Variants in ASTN2 observed in about 807,000 individuals in gnomAD.
The protein encoded by ASTN2 is astrotactin 2.
Under a neutral mutation model 139.8 loss-of-function variants are expected in ASTN2, and 54 were observed. The ratio of observed to expected loss-of-function variants is 0.39; its 90% CI spans 0.31 to 0.48. ASTN2 has a LOEUF of 0.48. Among genes scored for constraint, ASTN2 ranks in the 20% least tolerant of loss-of-function variants. The pLI is 0.95. For missense variants in ASTN2, 1,565 were observed against 1,725.1 expected, an observed-to-expected ratio of 0.91 and a Z score of 1.64; for synonymous variants, 756 against 719.5, an observed-to-expected ratio of 1.05 and a Z score of -0.81.
At chr9:116,823,809 G>T (rs1831552433) in intron 11 of ASTN2, among the ~76,000 whole-genome samples, 1 of 152,208 alleles carries the variant, frequency 6.6e-6, no homozygotes, top group Non-Finnish European at 1.5e-5. Context: ...CTAAGTACAT[G>T]AAGTGGGTTT....
At chr9:117,391,914 A>G (rs1466112722) in intron 1 of ASTN2, among the ~76,000 whole-genome samples, 5 of 152,208 alleles carry the variant, frequency 3.3e-5, no homozygotes, top group Admixed American at 3.3e-4. Flanking sequence ...GGCCCCATGC[A>G]AGTCTGAAAT....
intron 2 of ASTN2, among the ~76,000 whole-genome samples, chr9:117,267,657 CCT>C (rs755185527): frequency 6.6e-6 from 1 of 152,136 alleles, no homozygotes; most frequent in Non-Finnish European, 1.5e-5. Context: ...CAAAAAAATT[CCT>C]CCTCCCAATG....
chr9:117,094,254 C>T (rs1166546305), intron 5 of ASTN2, among the ~76,000 whole-genome samples: 1 of 145,694 alleles, frequency 6.9e-6, no homozygotes, highest in South Asian at 2.1e-4. Flanking sequence ...GAGAGGGAGA[C>T]AGGGAGGAAA....
intron 16 of ASTN2, among the ~76,000 whole-genome samples, chr9:116,689,467 A>C (rs1860453774): frequency 6.6e-6 from 1 of 152,164 alleles, no homozygotes; most frequent in Non-Finnish European, 1.5e-5. Context: ...AGTCCTTCTA[A>C]GTAGGCTCTA....
chr9:117,095,820 T>A (rs1828826302), intron 5 of ASTN2, among the ~76,000 whole-genome samples: 1 of 152,176 alleles, frequency 6.6e-6, no homozygotes, highest in African/African-American at 2.4e-5. Flanking sequence ...TTCACAGTAT[T>A]TTTTGAAGAA....
chr9:117,209,290 T>C (rs541617737), intron 3 of ASTN2, among the ~76,000 whole-genome samples: 6 of 152,182 alleles, frequency 3.9e-5, no homozygotes, highest in African/African-American at 1.4e-4. Flanking sequence ...GACAAAACTA[T>C]ATACTGCCTA....
At chr9:116,913,142 G>T (rs1834360648) in intron 10 of ASTN2, among the ~76,000 whole-genome samples, 1 of 152,112 alleles carries the variant, frequency 6.6e-6, no homozygotes, top group South Asian at 2.1e-4. Context: ...GACCTCAAGT[G>T]ATCCACCCAC....
At chr9:116,567,167 C>T (rs10121095) in intron 19 of ASTN2, among the ~76,000 whole-genome samples, 25,162 of 152,140 alleles carry the variant, frequency 0.17, 2,311 homozygotes, top group African/African-American at 0.23. Context: ...GGAAAAGTGC[C>T]GATTCATAGC....
chr9:116,450,222 T>C (rs1048409085), intron 20 of ASTN2, among the ~76,000 whole-genome samples: 1 of 152,218 alleles, frequency 6.6e-6, no homozygotes, highest in Non-Finnish European at 1.5e-5. Context: ...GCATTTTCTA[T>C]GGCTGCTTTC....
At chr9:116,586,837 C>CACACATACAT (rs1554717135) in intron 19 of ASTN2, among the ~76,000 whole-genome samples, 2 of 149,234 alleles carry the variant, frequency 1.3e-5, no homozygotes, top group South Asian at 2.2e-4. Flanking sequence ...TACATACACA[C>CACACATACAT]ACACACACAC....
intron 3 of ASTN2, among the ~76,000 whole-genome samples, chr9:117,163,532 A>G (rs775828356): frequency 1.4e-4 from 21 of 152,110 alleles, no homozygotes; most frequent in South Asian, 4.1e-4. Context: ...TGTAATACTT[A>G]CTATTTTATT....
At chr9:116,936,090 C>CAATTAT (rs1289369874) in intron 10 of ASTN2, among the ~76,000 whole-genome samples, 1 of 124,806 alleles carries the variant, frequency 8.0e-6, no homozygotes, top group Non-Finnish European at 1.7e-5. Context: ...ACCACTACCA[C>CAATTAT]CACCACACCA....
intron 10 of ASTN2, among the ~76,000 whole-genome samples, chr9:116,936,942 A>T (rs888248020): frequency 1.3e-5 from 2 of 152,208 alleles, no homozygotes; most frequent in African/African-American, 4.8e-5. Context: ...GATGGGAAAC[A>T]TAGGACTCTA....
intron 5 of ASTN2, among the ~76,000 whole-genome samples, chr9:117,065,072 C>T (rs1827894113): frequency 6.6e-6 from 1 of 152,056 alleles, no homozygotes; most frequent in Non-Finnish European, 1.5e-5. Flanking sequence ...AAGAGAAAAA[C>T]AGAGGAGGAT....
At chr9:117,188,053 T>C (rs1831247920) in intron 3 of ASTN2, among the ~76,000 whole-genome samples, 1 of 151,906 alleles carries the variant, frequency 6.6e-6, no homozygotes, top group African/African-American at 2.4e-5. Flanking sequence ...CTGTGCATTG[T>C]AGAATGTTAA....
At chr9:116,868,054 G>A (rs1005333105) in intron 10 of ASTN2, among the ~76,000 whole-genome samples, 3 of 152,148 alleles carry the variant, frequency 2.0e-5, no homozygotes, top group African/African-American at 4.8e-5. Context: ...AGCACTGGGG[G>A]CGGAGGCAGG....
intron 11 of ASTN2, among the ~76,000 whole-genome samples, chr9:116,859,943 T>C (rs1832833463): frequency 1.3e-5 from 2 of 152,330 alleles, no homozygotes; most frequent in African/African-American, 4.8e-5. Flanking sequence ...CTCTGGAGGC[T>C]GGAAAAACTA....
At chr9:117,041,495 T>C (rs1324675569) in intron 5 of ASTN2, among the ~76,000 whole-genome samples, 3 of 152,174 alleles carry the variant, frequency 2.0e-5, no homozygotes, top group Non-Finnish European at 4.4e-5. Flanking sequence ...CTTTACAGCA[T>C]CTGAAGAGTT....
At chr9:116,526,010 CCTT>C (rs1458099371) in intron 19 of ASTN2, among the ~76,000 whole-genome samples, 2 of 152,136 alleles carry the variant, frequency 1.3e-5, no homozygotes, top group Non-Finnish European at 2.9e-5. Flanking sequence ...CCATTACAGT[CCTT>C]CTTATTGACA....
Sources: gnomAD v4.1 joint callset for allele counts (sites outside exome capture counted in the v4.1 genomes callset) on GRCh38, gnomAD v4.1.1 for gene constraint, MANE v1.5 for transcripts, NCBI Gene and HGNC (gene_info 2026-07-23, HGNC 2026-07-21) for gene names.